CLPX: variants seen among roughly 807,000 people sequenced by gnomAD.
The protein encoded by CLPX is caseinolytic mitochondrial matrix peptidase chaperone subunit X.
CLPX carries 34 observed loss-of-function variants against 76.4 expected under a neutral mutation model. That is an observed-to-expected ratio of 0.45 (90% confidence interval 0.34 to 0.59). The LOEUF (loss-of-function observed/expected upper bound fraction) is 0.59, where lower values mean the gene tolerates loss of function less well. CLPX is among the 20% of genes least tolerant of loss of function. The pLI is 0.01. For missense variants in CLPX, 613 were observed against 757.0 expected, an observed-to-expected ratio of 0.81 and a Z score of 2.23; for synonymous variants, 248 against 270.9, an observed-to-expected ratio of 0.92 and a Z score of 0.83.
intron 3 of CLPX, among the ~76,000 whole-genome samples, chr15:65,178,014 G>A (rs1200441231): frequency 1.3e-5 from 2 of 152,032 alleles, no homozygotes; most frequent in African/African-American, 4.8e-5. Context: ...GGCTGGTTTT[G>A]AACTTCTGGG....
chr15:65,154,249 T>G (rs2087759871), intron 11 of CLPX, among the ~76,000 whole-genome samples: 3 of 152,240 alleles, frequency 2.0e-5, no homozygotes, highest in Non-Finnish European at 2.9e-5. Flanking sequence ...AAGAACTAAA[T>G]GCATGGGTCA....
chr15:65,160,624 C>CTCACACACAT (rs1555412764), intron 6 of CLPX, among the ~76,000 whole-genome samples: 4 of 41,058 alleles, frequency 9.7e-5, no homozygotes, highest in African/African-American at 4.8e-4. Context: ...CTCTCTCTCT[C>CTCACACACAT]ACACACACAC....
chr15:65,158,098 T>C, intron 7 of CLPX, 188 bp from the exon 8 acceptor site: 3 of 496,702 alleles, frequency 6.0e-6, no homozygotes, highest in Non-Finnish European at 1.0e-5. Context: ...CAGCCTGTGA[T>C]CATGGCTCAC....
chr15:65,171,158 C>T (rs2087999997), intron 3 of CLPX, among the ~76,000 whole-genome samples: 1 of 151,928 alleles, frequency 6.6e-6, no homozygotes. Flanking sequence ...ATTAAAAACA[C>T]ATTCTGGGCC....
At chr15:65,181,455 A>G (rs890688167) in intron 1 of CLPX, among the ~76,000 whole-genome samples, 1 of 152,158 alleles carries the variant, frequency 6.6e-6, no homozygotes, top group Non-Finnish European at 1.5e-5. Context: ...TCTTACCACA[A>G]TAAAAAAATT....
chr15:65,165,297 C>T (rs2087895968), intron 4 of CLPX, among the ~76,000 whole-genome samples: 1 of 151,832 alleles, frequency 6.6e-6, no homozygotes, highest in African/African-American at 2.4e-5. Context: ...CCACTGCACT[C>T]CAGCCTGGGC....
intron 3 of CLPX, among the ~76,000 whole-genome samples, chr15:65,174,251 G>C (rs1036575972): frequency 2.0e-5 from 3 of 149,370 alleles, no homozygotes; most frequent in Non-Finnish European, 4.4e-5. Context: ...GGGATTACAG[G>C]CGTGAGCCAC....
intron 3 of CLPX, among the ~76,000 whole-genome samples, chr15:65,170,269 G>A (rs1276542596): frequency 6.6e-6 from 1 of 151,860 alleles, no homozygotes. Context: ...AAGCTAGTAT[G>A]TCTAAGTAAT....
In CLPX at chr15:65,149,751, T is replaced by C. The variant is rs1299140192; in HGVS notation, c.*1072A>G. ...GGTGCGTGCCTATAATCCCAGCTAC[T>C]TGGAAGGCTGAGGCAGGAAAATTGC... is the stretch of plus-strand genomic sequence containing the variant. On this transcript the variant is annotated 3_prime_UTR_variant, in exon 14 of 14. Coordinates refer to ENST00000300107, the MANE Select transcript of CLPX (RefSeq NM_006660.5). 4.3e-6 allele frequency: 1 copy of C among 232,610 alleles called. No homozygotes were observed. The highest frequency in any genetic ancestry group is 8.7e-6 in the Non-Finnish European group (1 of 114,592). 14.4% of individuals were successfully genotyped at this position (232,610 alleles called of 1,614,324 possible).
At chr15:65,155,114 T>C (rs746944472) in intron 10 of CLPX, 33 bp from the exon 11 acceptor site, 25 of 1,554,632 alleles carry the variant, frequency 1.6e-5, no homozygotes, top group Non-Finnish European at 2.1e-5. Context: ...TTATAATTAG[T>C]AGAATCAAAT....
intron 3 of CLPX, among the ~76,000 whole-genome samples, chr15:65,173,714 T>C (rs1053814866): frequency 6.6e-6 from 1 of 152,200 alleles, no homozygotes; most frequent in Non-Finnish European, 1.5e-5. Context: ...AATGAAATAC[T>C]GATATATGCT....
rs1051222385 is a variant in CLPX, at chr15:65,148,373, G to A, written c.*2450C>T. The stretch of plus-strand genomic sequence containing the variant: ...AAAATGCCTCCCCAGTACATTTCTG[G>A]AGGATTAACCTTAATATGTTTAGCA... On this transcript the variant is annotated 3_prime_UTR_variant, in exon 14 of 14. Coordinates refer to ENST00000300107, the MANE Select transcript of CLPX (RefSeq NM_006660.5). 5 of 152,174 alleles carry A rather than the reference G, an allele frequency of 3.3e-5. No homozygotes were observed. Among genetic ancestry groups the A allele is most frequent in the African/African-American group, 9.7e-5 (4 of 41,430 alleles). The allele number at this position is 152,174 out of a possible 1,614,324, so 9.4% of individuals were successfully genotyped here. A position where few individuals can be genotyped will look rare whatever the true frequency, so the allele number is the denominator to read the frequency against.
At position 65,180,121 on chromosome 15, in the gene CLPX, T is replaced by C. The variant is rs771017569; in HGVS notation, c.163A>G (p.Arg55Gly). ...TATGCTGGTGTTTCTGTAAAGGATC[T>C]AAGAGGAGCTCTTTGCAGAATCTGA... ...ETQILQRAPL[R>G]SFTETPAYFA... is the part of the protein sequence containing the mutation. Residue 55 changes from arginine (R) to glycine (G), a missense_variant, in exon 2 of 14, where the codon AGA becomes GGA. Around this residue, in one of 2 missense-constraint regions of CLPX, gnomAD observed 163 missense variants for 118.4 expected, o/e 1.38. Coordinates refer to ENST00000300107, the MANE Select transcript of CLPX (RefSeq NM_006660.5). 7 of 1,612,984 alleles carry C rather than the reference T, an allele frequency of 4.3e-6. No homozygotes were observed. Among genetic ancestry groups the C allele is most frequent in the Non-Finnish European group, 5.9e-6 (7 of 1,179,226 alleles).
In CLPX at chr15:65,179,556, A is replaced by G. The variant is rs1007887379; in HGVS notation, c.240+488T>C. On this transcript the variant is annotated intron_variant, in intron 2 of 13. Transcript: ENST00000300107. ...AAGTGTTAGTCAAATTCACGTAATG[A>G]AAAAAACTGTTAAGTCACTGACTCA... Among the ~76,000 whole-genome samples the G allele has an allele frequency of 6.6e-5, 10 of 152,320 alleles. 1 individual carries two copies. Among genetic ancestry groups the G allele is most frequent in the Middle Eastern group, 3.4e-3 (1 of 292 alleles).
At chr15:65,165,323 T>G (rs2087896320) in intron 4 of CLPX, among the ~76,000 whole-genome samples, 1 of 150,758 alleles carries the variant, frequency 6.6e-6, no homozygotes. Context: ...AGTGAAACCC[T>G]GATTAAAAAA....
chr15:65,165,831 A>G (rs1019283429), intron 4 of CLPX, among the ~76,000 whole-genome samples: 1 of 152,240 alleles, frequency 6.6e-6, no homozygotes, highest in Non-Finnish European at 1.5e-5. Context: ...AAACATCTTT[A>G]TTCCTTACAA....
chr15:65,166,519 C>T, intron 4 of CLPX, 112 bp downstream of exon 4: 1 of 1,135,624 alleles, frequency 8.8e-7, no homozygotes. Flanking sequence ...TATTATGAAC[C>T]TATAATACTT....
intron 3 of CLPX, among the ~76,000 whole-genome samples, chr15:65,173,901 G>A (rs1237898655): frequency 6.6e-6 from 1 of 152,186 alleles, no homozygotes; most frequent in Non-Finnish European, 1.5e-5. Flanking sequence ...TAAGGGCTAT[G>A]GAGTTTCTTT....
intron 3 of CLPX, among the ~76,000 whole-genome samples, chr15:65,177,640 G>C (rs1243258005): frequency 6.6e-6 from 1 of 152,150 alleles, no homozygotes. Context: ...GATTGTATAG[G>C]AAGGCTGACA....
Sources: gnomAD v4.1 joint callset for allele counts (sites outside exome capture counted in the v4.1 genomes callset) on GRCh38, gnomAD v4.1.1 for gene constraint, gnomAD v4.1.1 regional missense constraint, MANE v1.5 for transcripts, NCBI Gene and HGNC (gene_info 2026-07-23, HGNC 2026-07-21) for gene names.